Variants in MITF observed in about 807,000 individuals in gnomAD.
MITF encodes the protein melanocyte inducing transcription factor.
A neutral mutation model predicts 60.5 loss-of-function variants in MITF; 17 were observed. That is an observed-to-expected ratio of 0.28 (90% CI 0.19 to 0.42). The LOEUF (loss-of-function observed/expected upper bound fraction) is 0.42. Ranked by LOEUF, MITF falls within the 10% of genes least tolerant of loss-of-function variation. The probability of loss-of-function intolerance (pLI) is 1.00; values close to 1 mark genes in which losing one functional copy is unlikely to be tolerated. For synonymous variants in MITF, 260 were observed against 248.5 expected (o/e 1.05, Z -0.43); for missense variants, 622 against 683.5 (o/e 0.91, Z 1.00).
chr3:69,892,071 C>T (rs546364406), intron 2 of MITF, among the ~76,000 whole-genome samples: 2 of 152,110 alleles, frequency 1.3e-5, no homozygotes, highest in African/African-American at 2.4e-5. Context: ...ATGTATGTCA[C>T]ATATGTACCA....
chr3:69,870,084 A>G (rs1000257444), intron 1 of MITF, among the ~76,000 whole-genome samples: 1 of 151,646 alleles, frequency 6.6e-6, no homozygotes, highest in African/African-American at 2.4e-5. Flanking sequence ...GGAGATGTAT[A>G]TATTTGATCT....
At position 69,789,923 on chromosome 3, in the gene MITF, A is replaced by G. The variant is rs543360335; in HGVS notation, c.104+50222A>G. Reference sequence around the variant, plus strand: ...CAGTTTTGTGTGCATGTATATATATATATATATCCAAAAGAATTGAAAGCA... The same window carrying G: ...CAGTTTTGTGTGCATGTATATATATGTATATATCCAAAAGAATTGAAAGCA... On this transcript the variant is annotated intron_variant, in intron 1 of 9. Coordinates refer to ENST00000352241, the MANE Select transcript of MITF (RefSeq NM_001354604.2). Among the ~76,000 whole-genome samples, 124 of 152,218 alleles carry G rather than the reference A, an allele frequency of 8.1e-4. 1 individual carries two copies. Among genetic ancestry groups the G allele is most frequent in the African/African-American group, 2.9e-3 (120 of 41,540 alleles).
chr3:69,903,825 A>C (rs1161044225), intron 2 of MITF, among the ~76,000 whole-genome samples: 1 of 152,300 alleles, frequency 6.6e-6, no homozygotes, highest in East Asian at 1.9e-4. Context: ...TGCTGGGATC[A>C]GATTGCCTGG....
Position 69,879,140 on chromosome 3 carries a change from C to T in MITF, c.111C>T (p.Ser37=), listed in dbSNP as rs1405659848. 6 of 1,614,142 alleles carry T rather than the reference C, an allele frequency of 3.7e-6. No homozygotes were observed. The highest frequency in any genetic ancestry group is 2.2e-5 in the East Asian group (1 of 44,878). The change falls in exon 2 of 10, where the codon TCC becomes TCT. Residue 37 remains serine (S), a synonymous_variant. Transcript: ENST00000352241. ...LKSQPLKSSS[S]AEHPGASKPP... ...CATTTTGGTTTTCCCACAGCAGTTC[C>T]GCCGAGCATCCTGGGGCCTCCAAGC...
At position 69,894,771 on chromosome 3, in the gene MITF, A is replaced by G. The variant is rs546750650; in HGVS notation, c.354+15388A>G. Among the ~76,000 whole-genome samples the G allele has an allele frequency of 2.7e-4, 41 of 151,604 alleles. No homozygotes were observed. The South Asian group carries it at 7.7e-3, about 29-fold the overall frequency. ...TTAATTTTTTTATTCATTTGTTTAT[A>G]TTTTTTACCTTTTAGAAACATGTCA... On this transcript the variant is annotated intron_variant, in intron 2 of 9. Transcript: ENST00000352241.
intron 1 of MITF, among the ~76,000 whole-genome samples, chr3:69,798,136 A>G (rs779438556): frequency 2.0e-5 from 3 of 152,166 alleles, no homozygotes; most frequent in Non-Finnish European, 4.4e-5. Context: ...CCATGTGTAA[A>G]GTGGGGATAA....
At chr3:69,955,174 C>T (rs962174841) in intron 7 of MITF, among the ~76,000 whole-genome samples, 1 of 152,122 alleles carries the variant, frequency 6.6e-6, no homozygotes, top group Non-Finnish European at 1.5e-5. Context: ...AGTAGCCATT[C>T]ACCACTGGTG....
At chr3:69,821,253 T>C (rs192676281) in intron 1 of MITF, among the ~76,000 whole-genome samples, 33 of 152,284 alleles carry the variant, frequency 2.2e-4, no homozygotes, top group African/African-American at 7.7e-4. Flanking sequence ...ATGCTGTGCG[T>C]AGAAAATGCA....
intron 2 of MITF, among the ~76,000 whole-genome samples, chr3:69,905,715 G>T (rs1317245772): frequency 6.6e-6 from 1 of 150,878 alleles, no homozygotes; most frequent in Non-Finnish European, 1.5e-5. Flanking sequence ...CTCATTGTGT[G>T]TTTTTTTTTA....
intron 2 of MITF, among the ~76,000 whole-genome samples, chr3:69,895,806 G>GTT (rs1373429146): frequency 8.1e-6 from 1 of 123,518 alleles, no homozygotes; most frequent in Non-Finnish European, 1.7e-5. Flanking sequence ...ATTGTGGAGT[G>GTT]TTTGTGTGTG....
rs115677175 is a variant in MITF at position 69,877,951 on chromosome 3, C to T, written c.105-1183C>T. Among the ~76,000 whole-genome samples the T allele has an allele frequency of 6.6e-5, 10 of 152,046 alleles. No homozygotes were observed. The East Asian group carries it at 1.4e-3, about 21-fold the overall frequency. On this transcript the variant is annotated intron_variant, in intron 1 of 9. Coordinates refer to ENST00000352241, the MANE Select transcript of MITF (RefSeq NM_001354604.2). ...TGTTCCAGGTGCTAAGGTTTTGAAC[C>T]GTTGACCTAAACACAGACGTTAAAA...
chr3:69,745,276 A>G (rs1418801910), intron 1 of MITF, among the ~76,000 whole-genome samples: 1 of 152,160 alleles, frequency 6.6e-6, no homozygotes, highest in Non-Finnish European at 1.5e-5. Context: ...CTGTAGCTAC[A>G]TGCTCTTGTC....
chr3:69,944,755 G>T (rs561073187), intron 5 of MITF, among the ~76,000 whole-genome samples: 4 of 151,998 alleles, frequency 2.6e-5, no homozygotes, highest in Non-Finnish European at 4.4e-5. Context: ...ATTATAAGAG[G>T]TAGCCCACAA....
intron 1 of MITF, among the ~76,000 whole-genome samples, chr3:69,870,162 CAAA>C (rs540814984): frequency 9.1e-6 from 1 of 109,964 alleles, no homozygotes. Context: ...AAAAAACAGG[CAAA>C]AAAAAAAAAG....
intron 1 of MITF, among the ~76,000 whole-genome samples, chr3:69,810,501 G>C (rs190108489): frequency 5.0e-4 from 76 of 152,252 alleles, no homozygotes; most frequent in Admixed American, 1.3e-3. Flanking sequence ...AGTAATAGAA[G>C]TAGGATTTAA....
In MITF at chr3:69,965,664, A is replaced by AG; in HGVS notation, c.*417dup. ...AAAGCAACCAAAAAGAAAAAAAAAA[A>AG]GAAAGAAAGAGGAAAAGAAATCCAT... is the stretch of plus-strand genomic sequence containing the variant. On this transcript the variant is annotated 3_prime_UTR_variant, in exon 10 of 10. Transcript: ENST00000352241. The AG allele has an allele frequency of 3.9e-6, 1 of 253,914 alleles. No individual in the cohort carries two copies. Among genetic ancestry groups the AG allele is most frequent in the East Asian group, 5.7e-5 (1 of 17,634 alleles). The allele number at this position is 253,914 out of a possible 1,614,324, so 15.7% of individuals were successfully genotyped here.
intron 1 of MITF, among the ~76,000 whole-genome samples, chr3:69,795,953 T>C (rs2062820307): frequency 6.6e-6 from 1 of 152,190 alleles, no homozygotes; most frequent in African/African-American, 2.4e-5. Flanking sequence ...TCCACTGTTA[T>C]GAAGCAAAAT....
chr3:69,905,997 G>C (rs1264461592), intron 2 of MITF, among the ~76,000 whole-genome samples: 1 of 151,988 alleles, frequency 6.6e-6, no homozygotes. Flanking sequence ...AAGTTCATTG[G>C]TTTTGTAAAT....
At chr3:69,933,199 T>C (rs2065760874) in intron 2 of MITF, among the ~76,000 whole-genome samples, 1 of 151,864 alleles carries the variant, frequency 6.6e-6, no homozygotes, top group South Asian at 2.1e-4. Context: ...TCTAAAAATA[T>C]AATAAATAAA....
Sources: allele counts gnomAD v4.1 joint callset (sites outside exome capture counted in the v4.1 genomes callset), GRCh38; gene constraint gnomAD v4.1.1; transcripts MANE v1.5; gene names NCBI Gene and HGNC (gene_info 2026-07-23, HGNC 2026-07-21).